The following CELF2 variants were observed in gnomAD, a reference collection of about 807,000 sequenced individuals.
The protein encoded by CELF2 is CUG triplet repeat RNA-binding protein 2.
Under a neutral mutation model 62.6 loss-of-function variants are expected in CELF2, and 8 were observed. The observed-to-expected ratio is 0.13, with a 90% CI of 0.07 to 0.23. The LOEUF is 0.23. Ranked by LOEUF, CELF2 falls within the 10% of genes least tolerant of loss-of-function variation. CELF2 has a pLI of 1.00. For missense variants in CELF2, 333 were observed against 671.0 expected (o/e 0.50, Z 5.56); for synonymous variants, 258 against 250.0 (o/e 1.03, Z -0.30).
At chr10:10,953,162 ATATTGT>A (rs1350310143) in intron 2 of CELF2, among the ~76,000 whole-genome samples, 4 of 152,236 alleles carry the variant, frequency 2.6e-5, no homozygotes, top group Non-Finnish European at 5.9e-5. Flanking sequence ...TTTTATGATT[ATATTGT>A]TATTGCATTG....
the CELF2 span, among the ~76,000 whole-genome samples, chr10:10,759,166 T>C: frequency 1.3e-5 from 2 of 152,234 alleles, no homozygotes; most frequent in East Asian, 3.9e-4. Context: ...CCCAAAGGCA[T>C]AAGACTGTAT....
chr10:11,113,621 T>C (rs996457697), intron 1 of CELF2, among the ~76,000 whole-genome samples: 1 of 152,218 alleles, frequency 6.6e-6, no homozygotes, highest in African/African-American at 2.4e-5. Flanking sequence ...ATAAATGCTC[T>C]GTATCAGAAG....
intron 1 of CELF2, among the ~76,000 whole-genome samples, chr10:10,887,571 G>T (rs554668716): frequency 6.6e-6 from 1 of 152,248 alleles, no homozygotes; most frequent in African/African-American, 2.4e-5. Flanking sequence ...GCATGATAGA[G>T]ATTATCTGTT....
At chr10:10,764,251 T>A in the CELF2 span, among the ~76,000 whole-genome samples, 3 of 152,228 alleles carry the variant, frequency 2.0e-5, no homozygotes, top group Admixed American at 2.0e-4. Flanking sequence ...AAATCATATG[T>A]CCTTTAAAAA....
intron 2 of CELF2, among the ~76,000 whole-genome samples, chr10:11,181,127 C>T (rs949199459): frequency 6.6e-6 from 1 of 152,178 alleles, no homozygotes; most frequent in African/African-American, 2.4e-5. Context: ...GCCTTGGCCT[C>T]CCAAAGTGCT....
chr10:10,734,109 A>C, the CELF2 span, among the ~76,000 whole-genome samples: 2 of 152,042 alleles, frequency 1.3e-5, no homozygotes, highest in African/African-American at 4.8e-5. Flanking sequence ...TTTTAGCTGC[A>C]TAGTCTTTGA....
In CELF2 at chr10:10,953,658, A is replaced by G. The variant is rs147035505; in HGVS notation, c.89+33659A>G. 3.3e-3 allele frequency among the ~76,000 whole-genome samples: 499 copies of G among 152,336 alleles called. 2 individuals carry two copies. The highest frequency in any genetic ancestry group is 0.012 in the African/African-American group (487 of 41,572). ...CAAAATAATAAACTTAGAAGGAACC[A>G]TGGGAGAATTCTTTCATGATATCAG... is the stretch of plus-strand genomic sequence containing the variant. On this transcript the variant is annotated intron_variant, in intron 2 of 13. Coordinates refer to the CELF2 transcript ENST00000636488.
intron 3 of CELF2, among the ~76,000 whole-genome samples, chr10:11,231,844 G>A (rs2068799026): frequency 6.6e-6 from 1 of 150,540 alleles, no homozygotes; most frequent in African/African-American, 2.4e-5. Flanking sequence ...CATTTTACCT[G>A]CAGTGCACTC....
upstream of CELF2, among the ~76,000 whole-genome samples, chr10:11,016,582 C>T (rs528534347): frequency 7.6e-4 from 115 of 152,310 alleles, no homozygotes; most frequent in Non-Finnish European, 1.2e-3. The surrounding 1 kb of genome is among the most constrained non-coding windows in gnomAD (Gnocchi z 5.2). Context: ...TGTCATCACA[C>T]AAGAATCTGG....
the CELF2 span, among the ~76,000 whole-genome samples, chr10:10,566,574 C>T: frequency 0.12 from 15,408 of 133,682 alleles, 1,077 homozygotes; most frequent in Non-Finnish European, 0.16. Flanking sequence ...CCCCCTCCCC[C>T]GACCCCACCA....
At chr10:10,886,667 T>A (rs1322090342) in intron 1 of CELF2, among the ~76,000 whole-genome samples, 1 of 152,058 alleles carries the variant, frequency 6.6e-6, no homozygotes, top group Non-Finnish European at 1.5e-5. Context: ...TGAGACACCA[T>A]CTCTGCAAAA....
At position 11,103,487 on chromosome 10, in the gene CELF2, A is replaced by ATTTTTTTTTTTTTTTTTTTTTTTT. The variant is rs3054364; in HGVS notation, c.75-61979_75-61978insTTTTTTTTTTTTTTTTTTTTTTTT. 4.9e-4 allele frequency among the ~76,000 whole-genome samples: 59 copies of ATTTTTTTTTTTTTTTTTTTTTTTT among 119,722 alleles called. 6 individuals carry two copies. The highest frequency in any genetic ancestry group is 4.4e-3 in the Middle Eastern group (1 of 228). The allele number at this position is 119,722 out of a possible 152,430, so 78.5% of individuals were successfully genotyped here. ...CGGATAAACCTGTGTTTGTAGCCTGATTTTTTTTTTTTTTTTTTTTACTGT... is the reference window on the plus strand; with the variant it reads ...CGGATAAACCTGTGTTTGTAGCCTGATTTTTTTTTTTTTTTTTTTTTTTTTTTTTTTTTTTTTTTTTTTTACTGT... On this transcript the variant is annotated intron_variant, in intron 1 of 12. Coordinates refer to ENST00000633077, the MANE Select transcript of CELF2 (RefSeq NM_001326342.2).
chr10:10,614,249 T>C, the CELF2 span, among the ~76,000 whole-genome samples: 1 of 152,076 alleles, frequency 6.6e-6, no homozygotes, highest in African/African-American at 2.4e-5. Context: ...TTAGCCATTT[T>C]TATTACGCTC....
intron 9 of CELF2, among the ~76,000 whole-genome samples, chr10:11,293,803 T>C (rs1392642855): frequency 2.0e-5 from 3 of 152,204 alleles, no homozygotes; most frequent in African/African-American, 7.2e-5. Context: ...GTTTGTTTTT[T>C]TTTAAATTCA....
chr10:11,267,715 G>A lies in CELF2; in HGVS notation c.618+1038G>A, dbSNP rs911454599. The stretch of plus-strand genomic sequence containing the variant: ...GTTTTTGTTTGTTTTTTGCAATGCT[G>A]CATCTCCCAAAGCATGCTGGGAGCT... On this transcript the variant is annotated intron_variant, in intron 6 of 12. Transcript: ENST00000633077. The surrounding 1 kb of genome is among the most constrained non-coding windows in gnomAD (Gnocchi z 4.4). Among the ~76,000 whole-genome samples, 1 of 151,926 alleles carries A rather than the reference G, an allele frequency of 6.6e-6. No homozygotes were observed. The highest frequency in any genetic ancestry group is 1.5e-5 in the Non-Finnish European group (1 of 67,994).
chr10:11,085,307 G>T (rs1259552871), intron 1 of CELF2, among the ~76,000 whole-genome samples: 1 of 152,094 alleles, frequency 6.6e-6, no homozygotes, highest in Admixed American at 6.6e-5. Flanking sequence ...GGCTGGCCTG[G>T]GTCTAGAAGC....
the CELF2 span, among the ~76,000 whole-genome samples, chr10:10,735,852 T>C: frequency 6.6e-6 from 1 of 152,172 alleles, no homozygotes. Context: ...CAGCATTTAT[T>C]AGAGCAGCAA....
the CELF2 span, among the ~76,000 whole-genome samples, chr10:10,650,556 A>T: frequency 6.6e-6 from 1 of 152,220 alleles, no homozygotes; most frequent in African/African-American, 2.4e-5. Flanking sequence ...GCATTTATTA[A>T]CAAGAGAATG....
At chr10:10,788,332 T>C in the CELF2 span, among the ~76,000 whole-genome samples, 1 of 152,120 alleles carries the variant, frequency 6.6e-6, no homozygotes, top group African/African-American at 2.4e-5. Context: ...GTCCTGGTTT[T>C]CTGATTATAG....
Sources: gnomAD v4.1 joint callset for allele counts (sites outside exome capture counted in the v4.1 genomes callset) on GRCh38, gnomAD v4.1.1 for gene constraint, Gnocchi (gnomAD v3.1) non-coding constraint, MANE v1.5 for transcripts, NCBI Gene and HGNC (gene_info 2026-07-23, HGNC 2026-07-21) for gene names.